Variants in WDR64 observed in about 807,000 individuals in gnomAD.
WDR64 encodes the protein WD repeat domain 64.
A neutral mutation model predicts 139.3 loss-of-function variants in WDR64; 112 were observed. The observed-to-expected ratio is 0.80, with a 90% confidence interval of 0.69 to 0.94. The LOEUF (loss-of-function observed/expected upper bound fraction) is 0.94. Among genes scored for constraint, WDR64 ranks in the 40% least tolerant of loss-of-function variants. The pLI, the probability that WDR64 is intolerant of heterozygous loss-of-function variation, is 0.00. For missense variants in WDR64, 1,206 were observed against 1,293.1 expected, an observed-to-expected ratio of 0.93 and a Z score of 1.03; for synonymous variants, 444 against 437.7, an observed-to-expected ratio of 1.01 and a Z score of -0.18.
intron 10 of WDR64, among the ~76,000 whole-genome samples, chr1:241,734,322 G>A (rs1041929507): frequency 6.6e-6 from 1 of 152,006 alleles, no homozygotes; most frequent in African/African-American, 2.4e-5. Flanking sequence ...GGTACATGTC[G>A]TGAGGACCCC....
At chr1:241,742,193 G>A (rs1205045295) in intron 12 of WDR64, among the ~76,000 whole-genome samples, 2 of 152,154 alleles carry the variant, frequency 1.3e-5, no homozygotes, top group African/African-American at 2.4e-5. Context: ...TAAGCATGAC[G>A]GCTGGAATAT....
intron 16 of WDR64, among the ~76,000 whole-genome samples, chr1:241,767,058 T>C (rs1391870416): frequency 1.3e-5 from 2 of 152,168 alleles, no homozygotes; most frequent in African/African-American, 4.8e-5. Flanking sequence ...CTCAAAGCCC[T>C]ACATGCCTGA....
chr1:241,668,600 T>G (rs533655119), intron 2 of WDR64, among the ~76,000 whole-genome samples: 3 of 151,662 alleles, frequency 2.0e-5, no homozygotes, highest in African/African-American at 7.3e-5. Context: ...CATCCTTTAG[T>G]GGACTGATGG....
Position 241,653,216 on chromosome 1 carries a change from G to A in WDR64, c.145+587G>A, listed in dbSNP as rs116190507. Among the ~76,000 whole-genome samples, 353 of 152,294 alleles carry A rather than the reference G, an allele frequency of 2.3e-3. 4 individuals are homozygous for A. The highest frequency in any genetic ancestry group is 8.0e-3 in the African/African-American group (333 of 41,556). On this transcript the variant is annotated intron_variant, in intron 1 of 27. Transcript: ENST00000437684. ...GAGTGGTGTAGTGTACAGCTTTGGCGTATTGAGGACAGCTGTGAAAAATAA... is the reference window on the plus strand; with the variant it reads ...GAGTGGTGTAGTGTACAGCTTTGGCATATTGAGGACAGCTGTGAAAAATAA...
chr1:241,677,999 C>T (rs906748469), intron 4 of WDR64, among the ~76,000 whole-genome samples, 188 bp from the exon 5 acceptor site: 1 of 152,180 alleles, frequency 6.6e-6, no homozygotes, highest in Non-Finnish European at 1.5e-5. Context: ...AAGCCTTGCT[C>T]ACAGCAAACA....
intron 19 of WDR64, among the ~76,000 whole-genome samples, chr1:241,771,951 T>TAC (rs1658465967): frequency 4.4e-5 from 2 of 45,208 alleles, no homozygotes; most frequent in Non-Finnish European, 9.7e-5. Context: ...CATACATATA[T>TAC]ATATATATAT....
intron 15 of WDR64, among the ~76,000 whole-genome samples, chr1:241,762,308 T>C (rs1234852840): frequency 2.0e-5 from 3 of 152,116 alleles, no homozygotes; most frequent in Admixed American, 2.0e-4. Flanking sequence ...AAGGAATCTT[T>C]TTTTTTTCTG....
intron 16 of WDR64, among the ~76,000 whole-genome samples, chr1:241,766,723 T>A (rs893900953): frequency 1.4e-5 from 2 of 145,194 alleles, no homozygotes; most frequent in African/African-American, 5.0e-5. Context: ...AAAAAAAACC[T>A]CAGGGGACAA....
Position 241,656,876 on chromosome 1 carries a change from G to GTGTGTGTA in WDR64, c.146-3647_146-3646insATGTGTGT, listed in dbSNP as rs761210076. On this transcript the variant is annotated intron_variant, in intron 1 of 27. Transcript: ENST00000437684. The surrounding 1 kb of genome is among the most constrained non-coding windows in gnomAD (Gnocchi z 4.3). Reference sequence around the variant, plus strand: ...CTCAAGTCTTTGCCAAATGTTGTGTGTGTGTGTGTGTGTGTGTGTGTGTGT... The same window carrying GTGTGTGTA: ...CTCAAGTCTTTGCCAAATGTTGTGTGTGTGTGTATGTGTGTGTGTGTGTGTGTGTGTGT... Among the ~76,000 whole-genome samples, 8,441 of 85,580 alleles carry GTGTGTGTA rather than the reference G, an allele frequency of 0.099. 396 individuals are homozygous for GTGTGTGTA. The highest frequency in any genetic ancestry group is 0.18 in the African/African-American group (4,640 of 26,492). The allele number at this position is 85,580 out of a possible 152,430, so 56.1% of individuals were successfully genotyped here. A position where few individuals can be genotyped will look rare whatever the true frequency, so the allele number is the denominator to read the frequency against.
intron 22 of WDR64, among the ~76,000 whole-genome samples, chr1:241,781,312 C>G (rs1462631828): frequency 1.3e-5 from 2 of 152,102 alleles, no homozygotes; most frequent in Non-Finnish European, 2.9e-5. Context: ...ATTTTAAATT[C>G]TTTCATATTC....
At chr1:241,749,829 A>C in intron 14 of WDR64, 107 bp downstream of exon 14, 1 of 1,284,762 alleles carries the variant, frequency 7.8e-7, no homozygotes, top group East Asian at 2.3e-5. Flanking sequence ...TAGCCAGCTG[A>C]AGATGGTATT....
chr1:241,740,028 TC>T (rs1669473918), intron 11 of WDR64, among the ~76,000 whole-genome samples: 1 of 152,258 alleles, frequency 6.6e-6, no homozygotes, highest in Non-Finnish European at 1.5e-5. Flanking sequence ...TCTATTTTTT[TC>T]ATTTGATCTG....
intron 4 of WDR64, among the ~76,000 whole-genome samples, chr1:241,674,988 C>A: frequency 2.8e-5 from 1 of 35,706 alleles, no homozygotes; most frequent in South Asian, 1.0e-3. Context: ...TTCTTTCCTC[C>A]CTTTCTCCCT....
At chr1:241,727,313 C>A (rs1668884452) in intron 10 of WDR64, among the ~76,000 whole-genome samples, 1 of 152,162 alleles carries the variant, frequency 6.6e-6, no homozygotes, top group African/African-American at 2.4e-5. Flanking sequence ...AATAAGATAT[C>A]TTTCTAGCAA....
At chr1:241,776,898 T>C (rs1658674635) in intron 21 of WDR64, among the ~76,000 whole-genome samples, 1 of 152,212 alleles carries the variant, frequency 6.6e-6, no homozygotes, top group Non-Finnish European at 1.5e-5. Context: ...TTTCTGTTTG[T>C]GATCCAGAAA....
At chr1:241,794,502 CTGTTTT>C (rs1462707665) in intron 25 of WDR64, among the ~76,000 whole-genome samples, 1 of 105,018 alleles carries the variant, frequency 9.5e-6, no homozygotes, top group Admixed American at 1.1e-4. Flanking sequence ...TTAAGCTTTA[CTGTTTT>C]TTTTTTTTTT....
intron 2 of WDR64, among the ~76,000 whole-genome samples, chr1:241,668,069 G>A (rs1459237224): frequency 2.0e-5 from 3 of 152,170 alleles, no homozygotes; most frequent in African/African-American, 7.2e-5. Flanking sequence ...AAAATAGGAC[G>A]CAGGTTTACT....
intron 1 of WDR64, among the ~76,000 whole-genome samples, chr1:241,652,919 G>A (rs1470966312): frequency 1.3e-5 from 2 of 152,200 alleles, no homozygotes; most frequent in Non-Finnish European, 2.9e-5. Context: ...GTGTTCTTCT[G>A]TAGACGCTGC....
At chr1:241,745,883 C>T (rs1424404176) in intron 13 of WDR64, among the ~76,000 whole-genome samples, 2 of 152,192 alleles carry the variant, frequency 1.3e-5, no homozygotes, top group Non-Finnish European at 2.9e-5. Flanking sequence ...CTGAGGAGTA[C>T]GTCTCTCTGC....
Sources: allele counts gnomAD v4.1 joint callset (sites outside exome capture counted in the v4.1 genomes callset), GRCh38; gene constraint gnomAD v4.1.1; non-coding constraint Gnocchi (gnomAD v3.1); transcripts MANE v1.5; gene names NCBI Gene and HGNC (gene_info 2026-07-23, HGNC 2026-07-21).